The following PRAG1 variants were observed in gnomAD, a reference collection of about 807,000 sequenced individuals.
PRAG1 encodes the protein inactive tyrosine-protein kinase PRAG1.
Under a neutral mutation model 95.6 loss-of-function variants are expected in PRAG1, and 110 were observed. The ratio of observed to expected loss-of-function variants is 1.15; its 90% CI spans 0.99 to 1.35. The LOEUF is 1.35. PRAG1 is among the 40% of genes most tolerant of loss of function. The pLI is 0.00. For missense variants in PRAG1, 2,554 were observed against 1,864.7 expected (o/e 1.37, Z -6.81); for synonymous variants, 1,052 against 819.4 (o/e 1.28, Z -4.85).
At chr8:8,354,540 T>C (rs1175588384) in intron 3 of PRAG1, among the ~76,000 whole-genome samples, 1 of 152,180 alleles carries the variant, frequency 6.6e-6, no homozygotes, top group Non-Finnish European at 1.5e-5. Flanking sequence ...CAATAAAGTA[T>C]TGCAGACTGA....
At chr8:8,380,392 A>G (rs1041346458) in intron 2 of PRAG1, among the ~76,000 whole-genome samples, 2 of 152,114 alleles carry the variant, frequency 1.3e-5, no homozygotes, top group Non-Finnish European at 2.9e-5. Context: ...TGAGGTCAGG[A>G]GTTAGAGACC....
intron 4 of PRAG1, among the ~76,000 whole-genome samples, chr8:8,335,010 G>A (rs1047777241): frequency 2.0e-5 from 3 of 151,904 alleles, no homozygotes; most frequent in African/African-American, 7.3e-5. Context: ...GGTGGGGCTT[G>A]CAGTGAGCAG....
intron 3 of PRAG1, among the ~76,000 whole-genome samples, chr8:8,344,720 C>T (rs1250986439): frequency 6.6e-6 from 1 of 152,144 alleles, no homozygotes; most frequent in African/African-American, 2.4e-5. Context: ...AAGCAAATCA[C>T]AGGGCCTGAA....
chr8:8,358,258 G>C (rs1045175084), intron 3 of PRAG1, among the ~76,000 whole-genome samples: 1 of 152,220 alleles, frequency 6.6e-6, no homozygotes, highest in Non-Finnish European at 1.5e-5. Context: ...GGCAAGGCGT[G>C]TGGGAAGGGG....
chr8:8,378,600 C>G (rs1585280935), intron 2 of PRAG1, among the ~76,000 whole-genome samples: 1 of 152,130 alleles, frequency 6.6e-6, no homozygotes, highest in Non-Finnish European at 1.5e-5. Flanking sequence ...TGGCTCATAC[C>G]TGTAATCCCA....
At chr8:8,370,796 C>T (rs557933367) in intron 3 of PRAG1, among the ~76,000 whole-genome samples, 134 of 152,288 alleles carry the variant, frequency 8.8e-4, no homozygotes, top group African/African-American at 3.2e-3. Flanking sequence ...CAGAAACGAA[C>T]TCCACTCATG....
intron 2 of PRAG1, among the ~76,000 whole-genome samples, chr8:8,378,843 A>G (rs2945846): frequency 0.58 from 87,008 of 150,630 alleles, 26,046 homozygotes; most frequent in East Asian, 0.78. Context: ...CTGGGCGACA[A>G]TGCCAGACCC....
intron 3 of PRAG1, among the ~76,000 whole-genome samples, chr8:8,358,792 T>G (rs146861616): frequency 0.028 from 4,196 of 152,344 alleles, 101 homozygotes; most frequent in Middle Eastern, 0.054. Flanking sequence ...CTACCTCCAC[T>G]GGCTGGAGCT....
chr8:8,321,180 G>T (rs1039110976), intron 5 of PRAG1, among the ~76,000 whole-genome samples: 1 of 152,212 alleles, frequency 6.6e-6, no homozygotes, highest in African/African-American at 2.4e-5. Flanking sequence ...GACCTCCCAG[G>T]TTTAAGCGAT....
chr8:8,324,404 G>C (rs374657025), intron 5 of PRAG1, among the ~76,000 whole-genome samples: 1 of 152,194 alleles, frequency 6.6e-6, no homozygotes, highest in Non-Finnish European at 1.5e-5. Flanking sequence ...CCTTTGGCAA[G>C]ACCCGCAGCT....
At chr8:8,338,672 T>A (rs557214555) in intron 4 of PRAG1, among the ~76,000 whole-genome samples, 11 of 152,318 alleles carry the variant, frequency 7.2e-5, no homozygotes, top group Non-Finnish European at 1.5e-4. Context: ...CCAGTACCTA[T>A]TGTTTAGGTA....
At chr8:8,334,446 A>G (rs1343801173) in intron 4 of PRAG1, among the ~76,000 whole-genome samples, 1 of 151,582 alleles carries the variant, frequency 6.6e-6, no homozygotes, top group Non-Finnish European at 1.5e-5. Context: ...AAAAAAAAAA[A>G]AGCATTTCTT....
chr8:8,377,937 C>G lies in PRAG1; in HGVS notation c.472G>C (p.Ala158Pro), dbSNP rs202140504. 71 of 1,613,992 alleles carry G rather than the reference C, an allele frequency of 4.4e-5. No homozygotes were observed. The Middle Eastern group carries it at 1.2e-3, about 26-fold the overall frequency. Residue 158 changes from alanine (A) to proline (P), a missense_variant, in exon 3 of 6, where the codon GCT (alanine) becomes CCT (proline). Coordinates refer to ENST00000615670, the MANE Select transcript of PRAG1 (RefSeq NM_001080826.3). ...SPDGNSRCPP[A>P]YTMVGLHNLE... is the part of the protein sequence containing the mutation. The stretch of plus-strand genomic sequence containing the variant: ...TTGTGCAGGCCGACCATGGTGTAAG[C>G]TGGGGGACAGCGAGAATTGCCATCA...
chr8:8,372,464 T>G (rs1350133432), intron 3 of PRAG1, among the ~76,000 whole-genome samples: 1 of 152,356 alleles, frequency 6.6e-6, no homozygotes, highest in Non-Finnish European at 1.5e-5. Context: ...ACCCAGAGAC[T>G]CTGTGAGATC....
rs756250245 is a variant in PRAG1, at chr8:8,318,820, G to A, written c.3555C>T (p.Ala1185=). The A allele has an allele frequency of 3.5e-6, 5 of 1,443,208 alleles. No individual in the cohort carries two copies. Among genetic ancestry groups the A allele is most frequent in the Non-Finnish European group, 4.6e-6 (5 of 1,096,294 alleles). The allele number at this position is 1,443,208 out of a possible 1,614,324, so 89.4% of individuals were successfully genotyped here. ...GGCTGAGAGTGCCACCAGCAGGCGG[G>A]GCGGCAGAGGAGCAGGGAGGCGCGG... The part of the protein sequence containing the change: ...AAAAPPCSSA[A]PPAGGTLSPA... Residue 1185 remains alanine (A), a synonymous_variant, in exon 6 of 6, where the codon GCC becomes GCT. Transcript: ENST00000615670. The surrounding 1 kb of genome is among the most constrained non-coding windows in gnomAD (Gnocchi z 4.2).
In PRAG1 at chr8:8,354,990, G is replaced by A. The variant is rs143467602; in HGVS notation, c.2163-15355C>T. Among the ~76,000 whole-genome samples the A allele has an allele frequency of 2.3e-3, 344 of 152,018 alleles. 1 individual carries two copies. Among genetic ancestry groups the A allele is most frequent in the South Asian group, 0.011 (52 of 4,826 alleles). On this transcript the variant is annotated intron_variant, in intron 3 of 5. Transcript: ENST00000615670. ...AAAAAAGGAAGAAGTAAAATTATCC[G>A]TATTTACAGATGACATAATCTTGTA... is the stretch of plus-strand genomic sequence containing the variant.
At chr8:8,371,131 CAAAAA>C (rs549978543) in intron 3 of PRAG1, among the ~76,000 whole-genome samples, 34 of 81,578 alleles carry the variant, frequency 4.2e-4, no homozygotes, top group East Asian at 7.8e-4. Context: ...GATTCTGTCT[CAAAAA>C]AAAAAAAAAA....
intron 3 of PRAG1, among the ~76,000 whole-genome samples, chr8:8,358,779 G>C (rs981045351): frequency 6.6e-6 from 1 of 152,180 alleles, no homozygotes; most frequent in Admixed American, 6.5e-5. Flanking sequence ...CTATTGCTTT[G>C]TCCTACCTCC....
At position 8,334,942 on chromosome 8, in the gene PRAG1, C is replaced by T. The variant is rs543585981; in HGVS notation, c.2320+4536G>A. On this transcript the variant is annotated intron_variant, in intron 4 of 5. Coordinates refer to ENST00000615670, the MANE Select transcript of PRAG1 (RefSeq NM_001080826.3). ...ACTAAAAATAGAAAAATTAGCCAGGCGTGGTGGCGCGCATGCAGTCCTAGC... is the reference window on the plus strand; with the variant it reads ...ACTAAAAATAGAAAAATTAGCCAGGTGTGGTGGCGCGCATGCAGTCCTAGC... Among the ~76,000 whole-genome samples the T allele has an allele frequency of 3.0e-4, 45 of 151,678 alleles. No individual in the cohort carries two copies. The South Asian group carries it at 5.5e-3, about 18-fold the overall frequency.
Sources: gnomAD v4.1 joint callset for allele counts (sites outside exome capture counted in the v4.1 genomes callset) on GRCh38, gnomAD v4.1.1 for gene constraint, Gnocchi (gnomAD v3.1) non-coding constraint, MANE v1.5 for transcripts, NCBI Gene and HGNC (gene_info 2026-07-23, HGNC 2026-07-21) for gene names.